The following STX8 variants were observed in gnomAD, a reference collection of about 807,000 sequenced individuals.
STX8 encodes the protein syntaxin-8.
STX8 carries 23 observed loss-of-function variants against 37.5 expected under a neutral mutation model. The ratio of observed to expected loss-of-function variants is 0.61; its 90% confidence interval spans 0.44 to 0.87. STX8 has a LOEUF of 0.87. Among genes scored for constraint, STX8 ranks in the 40% least tolerant of loss-of-function variants. The probability of loss-of-function intolerance (pLI) is 0.00; values close to 1 mark genes in which losing one functional copy is unlikely to be tolerated. For synonymous variants in STX8, 115 were observed against 99.1 expected (o/e 1.16, Z -0.95); for missense variants, 313 against 284.7 (o/e 1.10, Z -0.71).
At chr17:9,561,703 C>T (rs1907243095) in intron 2 of STX8, among the ~76,000 whole-genome samples, 1 of 143,490 alleles carries the variant, frequency 7.0e-6, no homozygotes, top group Admixed American at 6.9e-5. Context: ...ATATTCAAGA[C>T]TTAATAAAAA....
intron 6 of STX8, among the ~76,000 whole-genome samples, chr17:9,457,046 T>C (rs1905205882): frequency 6.6e-6 from 1 of 152,186 alleles, no homozygotes; most frequent in Non-Finnish European, 1.5e-5. Context: ...ATCACAGAAA[T>C]GTGTCTCTCA....
chr17:9,526,172 G>T (rs1191267240), intron 4 of STX8, among the ~76,000 whole-genome samples: 1 of 43,916 alleles, frequency 2.3e-5, no homozygotes. Context: ...AAAAGTACGA[G>T]AGACAAAGCC....
intron 7 of STX8, among the ~76,000 whole-genome samples, chr17:9,337,627 A>G (rs1910181750): frequency 6.6e-6 from 1 of 152,228 alleles, no homozygotes; most frequent in African/African-American, 2.4e-5. Flanking sequence ...TTGGCCTCCC[A>G]AAGTGCTGGG....
At chr17:9,284,734 C>G (rs562456668) in intron 7 of STX8, among the ~76,000 whole-genome samples, 1 of 152,178 alleles carries the variant, frequency 6.6e-6, no homozygotes, top group Non-Finnish European at 1.5e-5. Context: ...ATAATAAGGA[C>G]TGACTTTATA....
intron 4 of STX8, among the ~76,000 whole-genome samples, chr17:9,538,997 A>G (rs1471142364): frequency 6.6e-6 from 1 of 152,174 alleles, no homozygotes; most frequent in African/African-American, 2.4e-5. Context: ...ATCTTCTTCT[A>G]AGAGACACTG....
intron 7 of STX8, among the ~76,000 whole-genome samples, chr17:9,351,176 CT>C (rs71135970): frequency 0.05 from 4,959 of 99,858 alleles, 87 homozygotes; most frequent in African/African-American, 0.15. Context: ...ATTTCCTTGT[CT>C]TTTTTTTTTT....
intron 7 of STX8, among the ~76,000 whole-genome samples, chr17:9,250,886 C>G (rs1469221535): frequency 6.6e-6 from 1 of 152,054 alleles, no homozygotes; most frequent in Non-Finnish European, 1.5e-5. Context: ...AGGCAGCACT[C>G]AAGCCAGGAG....
rs1133295 is a variant in STX8, at chr17:9,568,394, T to A, written c.94A>T (p.Arg32Ter). 6.8e-6 allele frequency: 11 copies of A among 1,611,456 alleles called. No individual in the cohort carries two copies. Among genetic ancestry groups the A allele is most frequent in the South Asian group, 6.6e-5 (6 of 90,922 alleles). The change falls in exon 2 of 8, where the codon AGA becomes TGA. Residue 32 changes from arginine to a stop codon, truncating the protein, a stop_gained. Coordinates refer to ENST00000306357, the MANE Select transcript of STX8 (RefSeq NM_004853.3). LOFTEE classifies it high-confidence loss of function. The stretch of plus-strand genomic sequence containing the variant: ...ACCTTTGGTGCCTTTTCACCTTTTC[T>A]TTCATATTGATTTCGTTGTTGAATT... The part of the protein sequence containing the change: ...EKIQQRNQYE[R>*]KGEKAPKLTV...
intron 6 of STX8, among the ~76,000 whole-genome samples, chr17:9,399,865 CAA>C (rs201703835): frequency 1.9e-3 from 186 of 98,324 alleles, no homozygotes; most frequent in African/African-American, 5.3e-3. Flanking sequence ...GACTCTGTCT[CAA>C]AAAAAAAAAA....
At chr17:9,377,277 GT>G (rs963423587) in intron 7 of STX8, among the ~76,000 whole-genome samples, 1 of 151,540 alleles carries the variant, frequency 6.6e-6, no homozygotes, top group Non-Finnish European at 1.5e-5. Flanking sequence ...AGATCTCTAG[GT>G]TTTTTTTAAA....
At chr17:9,418,462 G>T (rs1229379788) in intron 6 of STX8, among the ~76,000 whole-genome samples, 1 of 149,840 alleles carries the variant, frequency 6.7e-6, no homozygotes, top group South Asian at 2.1e-4. Context: ...GAAATTAAAG[G>T]CAAAGGACTT....
intron 7 of STX8, among the ~76,000 whole-genome samples, chr17:9,272,884 A>G (rs1426862795): frequency 6.6e-6 from 1 of 152,146 alleles, no homozygotes; most frequent in East Asian, 1.9e-4. Flanking sequence ...CTCTTTCCCC[A>G]CTGCCACACT....
chr17:9,474,826 G>T (rs766572819), intron 6 of STX8, among the ~76,000 whole-genome samples: 129 of 152,244 alleles, frequency 8.5e-4, no homozygotes, highest in Middle Eastern at 3.4e-3. Context: ...CAAAAAATTA[G>T]CTGGGCGTGG....
intron 7 of STX8, among the ~76,000 whole-genome samples, chr17:9,297,209 C>T (rs1467047080): frequency 7.6e-6 from 1 of 131,978 alleles, no homozygotes; most frequent in Non-Finnish European, 1.6e-5. Context: ...TATCATTTTG[C>T]ATACAGTCTG....
At chr17:9,556,819 A>T (rs1239583310) in intron 3 of STX8, 5 of 143,756 alleles carry the variant, frequency 3.5e-5, no homozygotes, top group African/African-American at 1.0e-4. Flanking sequence ...ATATATATAT[A>T]TTTTAACACT....
At chr17:9,434,702 T>G (rs1430749991) in intron 6 of STX8, among the ~76,000 whole-genome samples, 2 of 152,220 alleles carry the variant, frequency 1.3e-5, no homozygotes, top group Non-Finnish European at 2.9e-5. Context: ...AGCGGCAGTG[T>G]GCAGCAGAGG....
At chr17:9,342,943 C>G (rs1034894578) in intron 7 of STX8, among the ~76,000 whole-genome samples, 7 of 150,056 alleles carry the variant, frequency 4.7e-5, no homozygotes, top group African/African-American at 1.7e-4. Flanking sequence ...ATCGCCTGAA[C>G]CCGGGAGGCG....
chr17:9,452,858 G>C (rs1905086137), intron 6 of STX8, among the ~76,000 whole-genome samples: 2 of 151,370 alleles, frequency 1.3e-5, no homozygotes, highest in African/African-American at 4.9e-5. Flanking sequence ...CAGTGCTATA[G>C]TGCAGTGGCG....
intron 6 of STX8, among the ~76,000 whole-genome samples, chr17:9,480,551 G>A (rs1031226062): frequency 6.6e-6 from 1 of 152,098 alleles, no homozygotes; most frequent in African/African-American, 2.4e-5. Flanking sequence ...TGACTCTCTA[G>A]GTCACAGATC....
Sources: allele counts gnomAD v4.1 joint callset (sites outside exome capture counted in the v4.1 genomes callset), GRCh38; gene constraint gnomAD v4.1.1; transcripts MANE v1.5; gene names NCBI Gene and HGNC (gene_info 2026-07-23, HGNC 2026-07-21).